SFMBT2: variants seen among roughly 807,000 people sequenced by gnomAD.
SFMBT2 encodes the protein Scm like with four mbt domains 2, also known as scm-like with four MBT domains protein 2.
A neutral mutation model predicts 110.1 loss-of-function variants in SFMBT2; 38 were observed. That is an observed-to-expected ratio of 0.35 (90% CI 0.27 to 0.45). The LOEUF (loss-of-function observed/expected upper bound fraction) is 0.45, where lower values mean the gene tolerates loss of function less well. Among genes scored for constraint, SFMBT2 ranks in the 20% least tolerant of loss-of-function variants. The pLI, the probability that SFMBT2 is intolerant of heterozygous loss-of-function variation, is 1.00. For synonymous variants in SFMBT2, 425 were observed against 425.4 expected (o/e 1.00, Z 0.01); for missense variants, 1,011 against 1,094.9 (o/e 0.92, Z 1.08).
intron 4 of SFMBT2, among the ~76,000 whole-genome samples, chr10:7,290,069 T>G (rs1043186158): frequency 2.0e-5 from 3 of 152,036 alleles, no homozygotes; most frequent in Non-Finnish European, 4.4e-5. Context: ...AATCCACACA[T>G]GAAACATCAG....
chr10:7,224,000 G>C (rs1192838317), intron 10 of SFMBT2, among the ~76,000 whole-genome samples: 2 of 152,120 alleles, frequency 1.3e-5, no homozygotes, highest in African/African-American at 4.8e-5. Flanking sequence ...GTCATGATGG[G>C]TTTAGTCTAT....
At chr10:7,396,656 A>G (rs1438921348) in intron 1 of SFMBT2, among the ~76,000 whole-genome samples, 1 of 152,032 alleles carries the variant, frequency 6.6e-6, no homozygotes, top group East Asian at 1.9e-4. Context: ...TTTTTGTCTT[A>G]TTAGACACAA....
At chr10:7,282,158 T>C (rs976481942) in intron 6 of SFMBT2, among the ~76,000 whole-genome samples, 5 of 152,208 alleles carry the variant, frequency 3.3e-5, no homozygotes, top group African/African-American at 1.2e-4. Flanking sequence ...GAACAACTCA[T>C]TTCCAGAAAA....
chr10:7,193,032 C>T (rs1485376329), intron 15 of SFMBT2, among the ~76,000 whole-genome samples: 1 of 152,162 alleles, frequency 6.6e-6, no homozygotes, highest in Non-Finnish European at 1.5e-5. Context: ...CTTCCTGGGG[C>T]TTTCTCTGAA....
intron 8 of SFMBT2, among the ~76,000 whole-genome samples, chr10:7,245,133 G>T (rs576351001): frequency 7.9e-5 from 12 of 152,104 alleles, no homozygotes; most frequent in Non-Finnish European, 1.5e-5. Context: ...CTACCGGGGG[G>T]CACAGTCCCA....
chr10:7,322,338 T>C (rs750504211), intron 4 of SFMBT2, among the ~76,000 whole-genome samples: 41 of 152,300 alleles, frequency 2.7e-4, no homozygotes, highest in Non-Finnish European at 5.1e-4. Context: ...TCATTAAACC[T>C]CTTATTTATT....
At chr10:7,248,466 G>C in intron 8 of SFMBT2, 82 bp downstream of exon 8, 1 of 1,169,160 alleles carries the variant, frequency 8.6e-7, no homozygotes, top group Non-Finnish European at 1.3e-6. Context: ...ACGAACATAT[G>C]TCATCTGGTC....
intron 9 of SFMBT2, among the ~76,000 whole-genome samples, chr10:7,242,884 C>T (rs991026019): frequency 6.6e-6 from 1 of 152,152 alleles, no homozygotes; most frequent in Admixed American, 6.5e-5. Context: ...AATAAGTTTA[C>T]TTTTCTCATC....
intron 7 of SFMBT2, among the ~76,000 whole-genome samples, chr10:7,262,516 C>A (rs1423932846): frequency 6.6e-6 from 1 of 152,202 alleles, no homozygotes; most frequent in Non-Finnish European, 1.5e-5. Flanking sequence ...ACCCTCCCTG[C>A]AAGTTCCCCG....
At chr10:7,202,954 A>G in intron 12 of SFMBT2, 1 of 985,480 alleles carries the variant, frequency 1.0e-6, no homozygotes, top group Non-Finnish European at 1.2e-6. Context: ...ATGCATTTCA[A>G]CTAAAACATG....
At chr10:7,341,821 C>T (rs1175514954) in intron 4 of SFMBT2, among the ~76,000 whole-genome samples, 6 of 152,152 alleles carry the variant, frequency 3.9e-5, no homozygotes, top group East Asian at 1.9e-4. Context: ...TGGCTGAAGT[C>T]GGGTAACGAG....
At chr10:7,381,432 G>T (rs1026001025) in intron 2 of SFMBT2, among the ~76,000 whole-genome samples, 1 of 152,048 alleles carries the variant, frequency 6.6e-6, no homozygotes. Flanking sequence ...TGTCTCTTGC[G>T]AGCCAGAGCA....
chr10:7,217,855 CCATCAT>C (rs1228613388), intron 11 of SFMBT2, among the ~76,000 whole-genome samples: 1 of 152,166 alleles, frequency 6.6e-6, no homozygotes, highest in African/African-American at 2.4e-5. Context: ...AACACTGGCC[CCATCAT>C]CATCAGTCAC....
At chr10:7,361,115 G>A (rs928523687) in intron 4 of SFMBT2, among the ~76,000 whole-genome samples, 6 of 152,064 alleles carry the variant, frequency 3.9e-5, no homozygotes, top group Admixed American at 1.3e-4. Context: ...TTTAATGAGT[G>A]TCTCTCTGCT....
chr10:7,206,022 A>G, intron 11 of SFMBT2, 94 bp from the exon 12 acceptor site: 1 of 1,523,284 alleles, frequency 6.6e-7, no homozygotes. Context: ...TAACATGGGG[A>G]AAAACATTCC....
intron 8 of SFMBT2, among the ~76,000 whole-genome samples, chr10:7,244,931 T>C (rs1260172815): frequency 1.3e-5 from 2 of 152,190 alleles, no homozygotes; most frequent in Non-Finnish European, 2.9e-5. Flanking sequence ...GAGAGCCCTG[T>C]TGAGAATCTC....
In SFMBT2 at chr10:7,379,682, C is replaced by T. The variant is rs896851041; in HGVS notation, c.100+2117G>A. On this transcript the variant is annotated intron_variant, in intron 2 of 20. Coordinates refer to ENST00000397167, the MANE Select transcript of SFMBT2 (RefSeq NM_001387889.1). ...GCCAATATCTGAAAAATGTTAAGAT[C>T]ATTTAGAGCCATTTAGAAATAGTAT... 2.6e-5 allele frequency among the ~76,000 whole-genome samples: 4 copies of T among 152,072 alleles called. No homozygotes were observed. The East Asian group carries it at 7.7e-4, about 29-fold the overall frequency.
At position 7,206,454 on chromosome 10, in the gene SFMBT2, G is replaced by T. The variant is rs139680536; in HGVS notation, c.1331-526C>A. The T allele has an allele frequency of 4.3e-3, 4,219 of 985,380 alleles. 12 individuals are homozygous for T. The highest frequency in any genetic ancestry group is 6.1e-3 in the Admixed American group (100 of 16,286). The allele number at this position is 985,380 out of a possible 1,614,324, so 61.0% of individuals were successfully genotyped here. The stretch of plus-strand genomic sequence containing the variant: ...GGAACCAGTCAAACTCAAAAACAAG[G>T]TTTATGAGCAGTGTACGTGGACAAG... On this transcript the variant is annotated intron_variant, in intron 11 of 20. Transcript: ENST00000397167.
In SFMBT2 at chr10:7,293,189, C is replaced by CA. The variant is rs1842311780; in HGVS notation, c.437-7236dup. Among the ~76,000 whole-genome samples, 1 of 152,070 alleles carries CA rather than the reference C, an allele frequency of 6.6e-6. No individual in the cohort carries two copies. The highest frequency in any genetic ancestry group is 2.1e-4 in the South Asian group (1 of 4,808). ...TCAGCCTCCCAAGCAGCTGGGATTA[C>CA]AGGCACCCACCACCATCTCCAGCCT... On this transcript the variant is annotated intron_variant, in intron 4 of 20. Coordinates refer to ENST00000397167, the MANE Select transcript of SFMBT2 (RefSeq NM_001387889.1). This position sits in a 1 kb window ranked among gnomAD's most constrained non-coding sequence, Gnocchi z 4.6.
Sources: allele counts gnomAD v4.1 joint callset (sites outside exome capture counted in the v4.1 genomes callset), GRCh38; gene constraint gnomAD v4.1.1; non-coding constraint Gnocchi (gnomAD v3.1); transcripts MANE v1.5; gene names NCBI Gene and HGNC (gene_info 2026-07-23, HGNC 2026-07-21).